The following OCA2 variants were observed in gnomAD, a reference collection of about 807,000 sequenced individuals.
The protein encoded by OCA2 is P protein.
OCA2 carries 77 observed loss-of-function variants against 100.2 expected under a neutral mutation model. That is an observed-to-expected ratio of 0.77 (90% CI 0.64 to 0.93). The LOEUF (loss-of-function observed/expected upper bound fraction) is 0.93, where lower values mean the gene tolerates loss of function less well. Ranked by LOEUF, OCA2 falls within the 40% of genes least tolerant of loss-of-function variation. The probability of loss-of-function intolerance (pLI) is 0.00; values close to 1 mark genes in which losing one functional copy is unlikely to be tolerated. For missense variants in OCA2, 1,062 were observed against 1,089.1 expected (o/e 0.98, Z 0.35); for synonymous variants, 432 against 439.2 (o/e 0.98, Z 0.21).
chr15:28,040,459 G>C (rs977481904), intron 2 of OCA2, among the ~76,000 whole-genome samples: 5 of 152,106 alleles, frequency 3.3e-5, no homozygotes, highest in African/African-American at 1.2e-4. Context: ...CTGGAAAAAG[G>C]AGAACAAACT....
intron 19 of OCA2, among the ~76,000 whole-genome samples, chr15:27,914,238 A>G (rs1165056340): frequency 6.6e-6 from 1 of 152,132 alleles, no homozygotes; most frequent in Non-Finnish European, 1.5e-5. Context: ...ATCTATGACA[A>G]ACCCACAGCC....
At chr15:27,722,205 A>C in the OCA2 span, among the ~76,000 whole-genome samples, 1 of 152,256 alleles carries the variant, frequency 6.6e-6, no homozygotes, top group African/African-American at 2.4e-5. Context: ...CTCTACGCTT[A>C]GACCGGGTCG....
intron 14 of OCA2, among the ~76,000 whole-genome samples, chr15:27,981,202 A>G (rs945787734): frequency 2.0e-5 from 3 of 152,286 alleles, no homozygotes; most frequent in African/African-American, 4.8e-5. Context: ...GGCTTTTTTA[A>G]TATCTTTAAT....
intron 23 of OCA2, among the ~76,000 whole-genome samples, chr15:27,823,261 G>A (rs2034574257): frequency 6.6e-6 from 1 of 152,184 alleles, no homozygotes; most frequent in African/African-American, 2.4e-5. Context: ...TTTTATTAGA[G>A]TTCTTGACCT....
intron 19 of OCA2, among the ~76,000 whole-genome samples, chr15:27,913,924 C>A (rs8025938): frequency 0.46 from 28,478 of 61,934 alleles, 7,553 homozygotes; most frequent in Middle Eastern, 0.61. Context: ...AGCAAGCAAG[C>A]AAGCAAGAAA....
intron 18 of OCA2, among the ~76,000 whole-genome samples, chr15:27,950,802 C>T (rs16950643): frequency 0.01 from 1,544 of 152,260 alleles, 28 homozygotes; most frequent in African/African-American, 0.035. Flanking sequence ...GAGGCATTAT[C>T]CATCTATTTT....
chr15:27,965,281 A>T (rs1014614114), intron 15 of OCA2, among the ~76,000 whole-genome samples: 1 of 152,200 alleles, frequency 6.6e-6, no homozygotes, highest in Non-Finnish European at 1.5e-5. Flanking sequence ...AAACCTATAT[A>T]TTAATTTATC....
At chr15:28,096,517 C>A (rs1259508517) in intron 1 of OCA2, among the ~76,000 whole-genome samples, 1 of 152,160 alleles carries the variant, frequency 6.6e-6, no homozygotes, top group Non-Finnish European at 1.5e-5. Context: ...AGAAGCCCGT[C>A]CAGGGGTCAG....
chr15:27,980,461 A>G (rs187518456), intron 14 of OCA2, among the ~76,000 whole-genome samples: 1 of 152,268 alleles, frequency 6.6e-6, no homozygotes, highest in African/African-American at 2.4e-5. Context: ...TTCCCCATGT[A>G]GTTACCCTTT....
At chr15:28,066,391 A>G (rs1238790680) in intron 2 of OCA2, among the ~76,000 whole-genome samples, 2 of 152,084 alleles carry the variant, frequency 1.3e-5, no homozygotes, top group Non-Finnish European at 2.9e-5. Context: ...CTAAACGATC[A>G]GTTCAAGCCA....
intron 2 of OCA2, among the ~76,000 whole-genome samples, chr15:28,072,709 A>G (rs1427472160): frequency 1.3e-5 from 2 of 152,152 alleles, no homozygotes; most frequent in African/African-American, 4.8e-5. Flanking sequence ...GCTCAGCATC[A>G]CTAATCACCA....
chr15:27,970,125 C>T (rs2040720857), intron 14 of OCA2, among the ~76,000 whole-genome samples: 1 of 151,700 alleles, frequency 6.6e-6, no homozygotes, highest in African/African-American at 2.4e-5. Flanking sequence ...ACACATGGGT[C>T]TAAAGGAAGA....
intron 6 of OCA2, 61 bp downstream of exon 6, chr15:28,022,440 G>T: frequency 8.3e-7 from 1 of 1,203,156 alleles, no homozygotes; most frequent in Non-Finnish European, 1.2e-6. Context: ...GTCTGCAAGT[G>T]TCTCCTTGTG....
intron 11 of OCA2, among the ~76,000 whole-genome samples, chr15:27,987,836 A>G (rs1041371519): frequency 6.6e-6 from 1 of 152,184 alleles, no homozygotes; most frequent in Admixed American, 6.5e-5. Flanking sequence ...TGAAAATGCA[A>G]TATAATTATT....
chr15:28,036,944 A>G (rs2043061996), intron 2 of OCA2, among the ~76,000 whole-genome samples: 2 of 152,102 alleles, frequency 1.3e-5, no homozygotes, highest in South Asian at 4.1e-4. Flanking sequence ...AAGATGATAC[A>G]GAGCCGGTAA....
intron 23 of OCA2, among the ~76,000 whole-genome samples, chr15:27,804,428 G>GA (rs2033740148): frequency 6.6e-6 from 1 of 152,134 alleles, no homozygotes; most frequent in South Asian, 2.1e-4. Flanking sequence ...AAACTCAAAG[G>GA]AAAAAAGTTG....
At chr15:28,036,376 T>C (rs2043045999) in intron 2 of OCA2, among the ~76,000 whole-genome samples, 1 of 152,150 alleles carries the variant, frequency 6.6e-6, no homozygotes, top group South Asian at 2.1e-4. Flanking sequence ...CTGTCCCCAT[T>C]ACTCCCTGTT....
chr15:28,029,323 A>G (rs1359451143), intron 3 of OCA2, among the ~76,000 whole-genome samples: 1 of 152,250 alleles, frequency 6.6e-6, no homozygotes, highest in Non-Finnish European at 1.5e-5. Flanking sequence ...TAATCCTATC[A>G]ATTTTGTGAC....
the OCA2 span, among the ~76,000 whole-genome samples, chr15:27,744,220 A>T: frequency 6.6e-6 from 1 of 152,294 alleles, no homozygotes; most frequent in East Asian, 1.9e-4. Flanking sequence ...GATCTTTAAG[A>T]CCTGGTGGGG....
Sources: gnomAD v4.1 joint callset for allele counts (sites outside exome capture counted in the v4.1 genomes callset) on GRCh38, gnomAD v4.1.1 for gene constraint, MANE v1.5 for transcripts, NCBI Gene and HGNC (gene_info 2026-07-23, HGNC 2026-07-21) for gene names.